Variants in PALM2AKAP2 observed in about 807,000 individuals in gnomAD.
PALM2AKAP2 encodes the protein PALM2-AKAP2 fusion protein.
PALM2AKAP2 carries 37 observed loss-of-function variants against 71.5 expected under a neutral mutation model. The observed-to-expected ratio is 0.52, with a 90% CI of 0.40 to 0.68. The LOEUF (loss-of-function observed/expected upper bound fraction) is 0.68. Ranked by LOEUF, PALM2AKAP2 falls within the 30% of genes least tolerant of loss-of-function variation. PALM2AKAP2 has a pLI of 0.00. For missense variants in PALM2AKAP2, 1,224 were observed against 1,191.8 expected, an observed-to-expected ratio of 1.03 and a Z score of -0.40; for synonymous variants, 468 against 478.8, an observed-to-expected ratio of 0.98 and a Z score of 0.29.
At chr9:110,011,691 G>A (rs562107394) in intron 6 of PALM2AKAP2, among the ~76,000 whole-genome samples, 57 of 152,272 alleles carry the variant, frequency 3.7e-4, no homozygotes, top group Admixed American at 5.9e-4. Flanking sequence ...CTGCCCCTTG[G>A]TATCCAAATA....
At chr9:109,702,057 G>T (rs1828069068) in intron 1 of PALM2AKAP2, among the ~76,000 whole-genome samples, 1 of 152,202 alleles carries the variant, frequency 6.6e-6, no homozygotes, top group Admixed American at 6.5e-5. Context: ...TCTCACACCA[G>T]TTAGAATGGC....
intron 1 of PALM2AKAP2, among the ~76,000 whole-genome samples, chr9:109,811,009 T>A (rs1827713932): frequency 6.6e-6 from 1 of 151,938 alleles, no homozygotes; most frequent in Admixed American, 6.6e-5. Flanking sequence ...GGAAGAGGTG[T>A]TGGAAATTTG....
chr9:110,139,189 G>A (rs1835968894), intron 2 of PALM2AKAP2, among the ~76,000 whole-genome samples: 1 of 152,194 alleles, frequency 6.6e-6, no homozygotes, highest in Non-Finnish European at 1.5e-5. Flanking sequence ...ACAAAGGCAG[G>A]TCTTTAATCC....
intron 2 of PALM2AKAP2, among the ~76,000 whole-genome samples, chr9:110,141,348 A>G (rs964286838): frequency 5.9e-5 from 9 of 152,208 alleles, no homozygotes; most frequent in African/African-American, 1.9e-4. Flanking sequence ...AGTCTGTTCC[A>G]ATCTTGATGT....
intron 1 of PALM2AKAP2, among the ~76,000 whole-genome samples, chr9:110,085,721 G>A (rs7046699): frequency 0.084 from 12,718 of 152,222 alleles, 561 homozygotes; most frequent in Middle Eastern, 0.12. Flanking sequence ...GACAAGTTGA[G>A]GGGGATGCCA....
At chr9:109,692,919 C>CT (rs1334282965) in intron 1 of PALM2AKAP2, among the ~76,000 whole-genome samples, 2 of 151,864 alleles carry the variant, frequency 1.3e-5, no homozygotes, top group African/African-American at 2.4e-5. Context: ...ACCTCCATCT[C>CT]TCTTTTCTCT....
At chr9:109,719,695 A>T (rs1257111531) in intron 1 of PALM2AKAP2, among the ~76,000 whole-genome samples, 1 of 152,206 alleles carries the variant, frequency 6.6e-6, no homozygotes, top group African/African-American at 2.4e-5. Flanking sequence ...TGTGGCATAC[A>T]TAGAAATCAG....
intron 2 of PALM2AKAP2, among the ~76,000 whole-genome samples, chr9:109,878,032 G>C (rs1001336089): frequency 6.6e-6 from 1 of 152,122 alleles, no homozygotes; most frequent in African/African-American, 2.4e-5. Flanking sequence ...AGGGTCTGTC[G>C]GGGAAATTTT....
intron 1 of PALM2AKAP2, among the ~76,000 whole-genome samples, chr9:110,055,860 G>A (rs1039809955): frequency 2.0e-5 from 3 of 152,186 alleles, no homozygotes; most frequent in African/African-American, 7.2e-5. Flanking sequence ...AGTTAGAAGA[G>A]TGTGCATATG....
chr9:110,145,541 G>T, intron 2 of PALM2AKAP2, among the ~76,000 whole-genome samples: 1 of 152,024 alleles, frequency 6.6e-6, no homozygotes, highest in Non-Finnish European at 1.5e-5. Flanking sequence ...GAACATTTTT[G>T]GTGTACTAGG....
At chr9:109,934,491 A>G (rs1236886246) in intron 6 of PALM2AKAP2, among the ~76,000 whole-genome samples, 1 of 152,026 alleles carries the variant, frequency 6.6e-6, no homozygotes, top group African/African-American at 2.4e-5. Context: ...TCCAGCTGGT[A>G]TTGAGATGAT....
upstream of PALM2AKAP2, among the ~76,000 whole-genome samples, chr9:109,779,533 A>T (rs554117708): frequency 6.6e-6 from 1 of 152,190 alleles, no homozygotes; most frequent in South Asian, 2.1e-4. Context: ...CCATTTTTTC[A>T]GATGAGGAAA....
At chr9:110,114,024 C>T (rs1205344396) in intron 1 of PALM2AKAP2, among the ~76,000 whole-genome samples, 1 of 152,192 alleles carries the variant, frequency 6.6e-6, no homozygotes, top group Non-Finnish European at 1.5e-5. Context: ...CTCATAACAG[C>T]CTCAGAAGGT....
exon 2 of PALM2AKAP2, chr9:110,137,726 A>G (rs1412711674): frequency 6.2e-7 from 1 of 1,614,212 alleles, no homozygotes; most frequent in Admixed American, 1.7e-5. Flanking sequence ...TGATTTCAGC[A>G]TGGACAACAT....
intron 7 of PALM2AKAP2, among the ~76,000 whole-genome samples, chr9:110,030,009 A>C (rs1245141150): frequency 2.6e-5 from 4 of 152,218 alleles, no homozygotes; most frequent in Non-Finnish European, 5.9e-5. Context: ...TTCATAGAGT[A>C]GGGGCCAAGG....
In PALM2AKAP2 at chr9:109,834,029, A is replaced by G. The variant is rs192273711; in HGVS notation, c.46-33462A>G. On this transcript the variant is annotated intron_variant, in intron 1 of 9. Transcript: ENST00000302798. Reference sequence around the variant, plus strand: ...GAAGTTCGAGACCAGTCTGACCAACATGGTGAAACCCCGTCTCTACTAAAA... The same window carrying G: ...GAAGTTCGAGACCAGTCTGACCAACGTGGTGAAACCCCGTCTCTACTAAAA... 1.5e-3 allele frequency among the ~76,000 whole-genome samples: 222 copies of G among 152,336 alleles called. 1 individual carries two copies. The highest frequency in any genetic ancestry group is 5.0e-3 in the African/African-American group (206 of 41,572).
At position 110,162,076 on chromosome 9, in the gene PALM2AKAP2, C is replaced by A; in HGVS notation, c.2748+5579C>A. ...GTCACTGCCATGTACTAACCCTGGTCTTTTCCCTCTCTGCCAGTACACTTC... is the reference window on the plus strand; with the variant it reads ...GTCACTGCCATGTACTAACCCTGGTATTTTCCCTCTCTGCCAGTACACTTC... On this transcript the variant is annotated intron_variant, in intron 3 of 3. Coordinates refer to ENST00000374525, the Ensembl canonical transcript of PALM2AKAP2. 6.2e-7 allele frequency: 1 copy of A among 1,613,888 alleles called. No homozygotes were observed. Among genetic ancestry groups the A allele is most frequent in the African/African-American group, 1.3e-5 (1 of 74,984 alleles).
intron 2 of PALM2AKAP2, among the ~76,000 whole-genome samples, chr9:109,878,160 C>G (rs975550551): frequency 9.9e-5 from 15 of 152,274 alleles, no homozygotes; most frequent in African/African-American, 3.4e-4. Context: ...TGATAAGCAA[C>G]CAACGTAAGC....
At chr9:110,138,758 G>A (rs1320983209) in intron 2 of PALM2AKAP2, among the ~76,000 whole-genome samples, 1 of 152,228 alleles carries the variant, frequency 6.6e-6, no homozygotes, top group Non-Finnish European at 1.5e-5. Flanking sequence ...CCACTTTCCA[G>A]AGGATGCAAT....
Sources: allele counts gnomAD v4.1 joint callset (sites outside exome capture counted in the v4.1 genomes callset), GRCh38; gene constraint gnomAD v4.1.1; transcripts MANE v1.5; gene names NCBI Gene and HGNC (gene_info 2026-07-23, HGNC 2026-07-21).